GAB4: variants seen among roughly 807,000 people sequenced by gnomAD.
The protein encoded by GAB4 is GRB2-associated-binding protein 4.
In GAB4, 26 loss-of-function variants were observed where a neutral mutation model predicts 51.3. The ratio of observed to expected loss-of-function variants is 0.51; its 90% CI spans 0.37 to 0.70. GAB4 has a LOEUF of 0.70. Among genes scored for constraint, GAB4 ranks in the 30% least tolerant of loss-of-function variants. The pLI, the probability that GAB4 is intolerant of heterozygous loss-of-function variation, is 0.00. For missense variants in GAB4, 759 were observed against 734.6 expected, an observed-to-expected ratio of 1.03 and a Z score of -0.38; for synonymous variants, 329 against 291.2, an observed-to-expected ratio of 1.13 and a Z score of -1.32.
intron 1 of GAB4, 91 bp downstream of exon 1, chr22:17,007,850 C>T: frequency 7.9e-7 from 1 of 1,259,156 alleles, no homozygotes; most frequent in Non-Finnish European, 1.1e-6. Context: ...CGCAGCTCCT[C>T]CCGTGGACCC....
intron 3 of GAB4, among the ~76,000 whole-genome samples, chr22:16,980,939 T>G (rs1298154261): frequency 6.6e-6 from 1 of 151,752 alleles, no homozygotes; most frequent in Admixed American, 6.6e-5. Flanking sequence ...TTCTCACTCA[T>G]AAGTAGGAGG....
chr22:17,004,447 G>C (rs555917555), intron 1 of GAB4, among the ~76,000 whole-genome samples: 25 of 152,036 alleles, frequency 1.6e-4, no homozygotes, highest in African/African-American at 6.0e-4. Flanking sequence ...CTGGCAAACC[G>C]AACCCAGGCA....
chr22:16,994,896 A>C (rs147156529), intron 1 of GAB4, among the ~76,000 whole-genome samples: 385 of 152,322 alleles, frequency 2.5e-3, no homozygotes, highest in African/African-American at 8.5e-3. Context: ...TTTTATGATT[A>C]AGAATGTTGT....
chr22:16,985,053 T>C (rs1455360217), intron 3 of GAB4, among the ~76,000 whole-genome samples: 3 of 152,212 alleles, frequency 2.0e-5, no homozygotes, highest in African/African-American at 7.2e-5. Context: ...CCAGGGTCTT[T>C]GGGTAATTGT....
intron 5 of GAB4, 43 bp downstream of exon 5, chr22:16,968,255 C>T: frequency 2.2e-6 from 3 of 1,354,196 alleles, no homozygotes; most frequent in East Asian, 2.3e-5. Flanking sequence ...TGACCTTTAC[C>T]TCCCTGAGCC....
chr22:17,002,858 T>C (rs559126464), intron 1 of GAB4, among the ~76,000 whole-genome samples: 1 of 152,282 alleles, frequency 6.6e-6, no homozygotes. Context: ...GTAAATGGGC[T>C]AAATGCCCCA....
intron 1 of GAB4, among the ~76,000 whole-genome samples, chr22:16,998,483 G>A (rs1359998811): frequency 6.6e-6 from 1 of 152,170 alleles, no homozygotes; most frequent in African/African-American, 2.4e-5. Flanking sequence ...TGTGATTTTT[G>A]CACATTGATT....
chr22:16,970,098 T>C lies in GAB4; in HGVS notation c.782A>G (p.Asp261Gly). The C allele has an allele frequency of 6.2e-7, 1 of 1,614,122 alleles. No individual in the cohort carries two copies. Among genetic ancestry groups the C allele is most frequent in the Admixed American group, 1.7e-5 (1 of 60,016 alleles). The change falls in exon 4 of 10, where the codon GAT (aspartate) becomes GGT (glycine). Residue 261 changes from aspartate to glycine, a missense_variant. By Grantham distance (94) the Asp-to-Gly change is moderately conservative. This residue lies in a region of GAB4 where 588 missense variants were observed against 510.2 expected (regional missense o/e 1.15). Coordinates refer to ENST00000400588, the MANE Select transcript of GAB4 (RefSeq NM_001037814.1). ...NLAQHSGYSV[D>G]GVSGHIHGFH... ...GCCATGGATGTGACCGCTGACCCCA[T>C]CAACACTGTATCCACTGTGCTGGGC...
chr22:16,985,358 T>C (rs891428804), intron 3 of GAB4, among the ~76,000 whole-genome samples: 3 of 152,240 alleles, frequency 2.0e-5, no homozygotes, highest in Non-Finnish European at 4.4e-5. Flanking sequence ...CTCATACGGC[T>C]AGTAATTTTT....
chr22:16,991,917 T>C lies in GAB4; in HGVS notation c.434A>G (p.Gln145Arg), dbSNP rs2060917297. 1 of 1,614,054 alleles carries C rather than the reference T, an allele frequency of 6.2e-7. No individual in the cohort carries two copies. Among genetic ancestry groups the C allele is most frequent in the South Asian group, 1.1e-5 (1 of 91,086 alleles). Residue 145 changes from glutamine (Q) to arginine (R), a missense_variant, in exon 2 of 10, where the codon CAG (glutamine) becomes CGG (arginine). By Grantham distance (43) the Gln-to-Arg change is conservative. This residue lies in a region of GAB4 where 88 missense variants were observed against 151.3 expected (regional missense o/e 0.58). Transcript: ENST00000400588. The stretch of plus-strand genomic sequence containing the variant: ...GAAGCCACAGATCTGACAGATGCTC[T>C]GGACCCACTCATTCATGTCCTCCCT... ...ETREDMNEWV[Q>R]SICQICGFRQ...
Position 16,992,021 on chromosome 22 carries a change from G to A in GAB4, c.330C>T (p.Phe110=). 1 of 1,614,168 alleles carries A rather than the reference G, an allele frequency of 6.2e-7. No homozygotes were observed. Among genetic ancestry groups the A allele is most frequent in the Non-Finnish European group, 8.5e-7 (1 of 1,180,030 alleles). ...AGCCCTTCTGAATCTCCTTCTTGTT[G>A]AAGTTCAGAGTCACATCAACATCCA... ...EQLDVDVTLN[F]NKKEIQKGYM... The change falls in exon 2 of 10, where the codon TTC becomes TTT. Residue 110 remains phenylalanine, a synonymous_variant. Coordinates refer to ENST00000400588, the MANE Select transcript of GAB4 (RefSeq NM_001037814.1).
At chr22:16,970,230 A>T (rs201957284) in intron 3 of GAB4, 37 bp from the exon 4 acceptor site, 1 of 1,611,364 alleles carries the variant, frequency 6.2e-7, no homozygotes, top group African/African-American at 1.3e-5. Flanking sequence ...CAGGGGTGAG[A>T]GGAGGCCAGG....
Position 16,997,093 on chromosome 22 carries a change from G to A in GAB4, c.175-4917C>T, listed in dbSNP as rs187925035. 6.4e-3 allele frequency among the ~76,000 whole-genome samples: 981 copies of A among 152,134 alleles called. 8 individuals are homozygous for A. Among genetic ancestry groups the A allele is most frequent in the Non-Finnish European group, 7.7e-3 (526 of 68,008 alleles). ...AGTCTTTGCTATTGTGAATAGTGCC[G>A]CAATAAACATACGTGTGCATGTGTC... On this transcript the variant is annotated intron_variant, in intron 1 of 9. Coordinates refer to ENST00000400588, the MANE Select transcript of GAB4 (RefSeq NM_001037814.1).
intron 1 of GAB4, among the ~76,000 whole-genome samples, chr22:16,994,557 T>C (rs1421964443): frequency 3.3e-5 from 5 of 152,224 alleles, no homozygotes; most frequent in African/African-American, 4.8e-5. Flanking sequence ...TAAGGGTTTT[T>C]ATGCTACTGC....
intron 1 of GAB4, among the ~76,000 whole-genome samples, chr22:17,000,658 T>C (rs1411383781): frequency 6.6e-6 from 1 of 151,976 alleles, no homozygotes; most frequent in East Asian, 1.9e-4. Context: ...AATATTGTTA[T>C]GTGTGAATTT....
chr22:17,008,216 A>G lies in GAB4; in HGVS notation c.-102T>C. On this transcript the variant is annotated 5_prime_UTR_variant, in exon 1 of 10. Coordinates refer to ENST00000400588, the MANE Select transcript of GAB4 (RefSeq NM_001037814.1). ...TTGCGATACCCTGGGACTGCGGGGT[A>G]GAAAGCGCAGTTCTAGGGGAGGTCG... is the stretch of plus-strand genomic sequence containing the variant. 5 of 825,960 alleles carry G rather than the reference A, an allele frequency of 6.1e-6. No homozygotes were observed. The highest frequency in any genetic ancestry group is 9.6e-6 in the Non-Finnish European group (5 of 522,818). The allele number at this position is 825,960 out of a possible 1,614,324, so 51.2% of individuals were successfully genotyped here. A position where few individuals can be genotyped will look rare whatever the true frequency, so the allele number is the denominator to read the frequency against.
At chr22:16,985,385 T>C (rs1163108878) in intron 3 of GAB4, among the ~76,000 whole-genome samples, 5 of 152,264 alleles carry the variant, frequency 3.3e-5, no homozygotes, top group Admixed American at 3.3e-4. Flanking sequence ...ATACTGAATA[T>C]CTGGGATCTG....
chr22:16,976,090 G>A (rs536006199), intron 3 of GAB4, among the ~76,000 whole-genome samples: 65 of 152,276 alleles, frequency 4.3e-4, no homozygotes, highest in Non-Finnish European at 7.9e-4. Flanking sequence ...GTGCAAAAAG[G>A]CTGAAAAGCC....
intron 1 of GAB4, among the ~76,000 whole-genome samples, chr22:16,999,550 G>C (rs544379710): frequency 6.6e-6 from 1 of 152,038 alleles, no homozygotes; most frequent in East Asian, 1.9e-4. Flanking sequence ...TATTAGTCTT[G>C]CTAGAGGTCT....
Sources: allele counts gnomAD v4.1 joint callset (sites outside exome capture counted in the v4.1 genomes callset), GRCh38; gene constraint gnomAD v4.1.1; regional missense constraint gnomAD v4.1.1; transcripts MANE v1.5; gene names NCBI Gene and HGNC (gene_info 2026-07-23, HGNC 2026-07-21).